The following MSRB3 variants were observed in gnomAD, a reference collection of about 807,000 sequenced individuals.
MSRB3 encodes the protein methionine sulfoxide reductase B3.
Under a neutral mutation model 21.0 loss-of-function variants are expected in MSRB3, and 13 were observed. The observed-to-expected ratio is 0.62, with a 90% CI of 0.40 to 0.98. The LOEUF (loss-of-function observed/expected upper bound fraction) is 0.98. Among genes scored for constraint, MSRB3 ranks in the 50% least tolerant of loss-of-function variants. The pLI, the probability that MSRB3 is intolerant of heterozygous loss-of-function variation, is 0.00. For missense variants in MSRB3, 199 were observed against 230.3 expected (o/e 0.86, Z 0.88); for synonymous variants, 87 against 88.6 (o/e 0.98, Z 0.10).
At chr12:65,331,191 G>A (rs1474632133) in intron 4 of MSRB3, among the ~76,000 whole-genome samples, 6 of 152,080 alleles carry the variant, frequency 3.9e-5, no homozygotes, top group Non-Finnish European at 8.8e-5. Context: ...AAATATATGA[G>A]GAAGCATGTA....
chr12:65,437,303 A>G (rs559965527), intron 5 of MSRB3, among the ~76,000 whole-genome samples: 38 of 152,010 alleles, frequency 2.5e-4, no homozygotes, highest in African/African-American at 8.2e-4. Flanking sequence ...AAGTGTACTC[A>G]GCCTTCTTGC....
chr12:65,292,745 T>A (rs896153142), intron 1 of MSRB3, among the ~76,000 whole-genome samples: 5 of 152,116 alleles, frequency 3.3e-5, no homozygotes, highest in Non-Finnish European at 7.3e-5. Context: ...GGTAAGAGTG[T>A]AGCTCATTGA....
intron 6 of MSRB3, among the ~76,000 whole-genome samples, chr12:65,458,631 T>C (rs1883192942): frequency 6.6e-6 from 1 of 152,204 alleles, no homozygotes; most frequent in Admixed American, 6.5e-5. Context: ...TACCCTGTTA[T>C]ATTCTGATTT....
intron 1 of MSRB3, chr12:65,285,058 G>A (rs1264076083): frequency 6.6e-6 from 1 of 152,192 alleles, no homozygotes; most frequent in Non-Finnish European, 1.5e-5. Context: ...ATGTGAAGAA[G>A]ATATGATTTC....
At chr12:65,312,277 G>A (rs1402844639) in intron 2 of MSRB3, among the ~76,000 whole-genome samples, 7 of 152,046 alleles carry the variant, frequency 4.6e-5, no homozygotes. Context: ...ACTAACTAAT[G>A]CTGGGAACTT....
At chr12:65,388,065 T>C (rs1167370003) in intron 5 of MSRB3, among the ~76,000 whole-genome samples, 1 of 152,216 alleles carries the variant, frequency 6.6e-6, no homozygotes, top group Non-Finnish European at 1.5e-5. Context: ...AATCTTTCTA[T>C]TTCTTTAGGA....
chr12:65,356,140 A>G (rs1235785376), intron 4 of MSRB3, among the ~76,000 whole-genome samples: 2 of 151,894 alleles, frequency 1.3e-5, no homozygotes, highest in Non-Finnish European at 2.9e-5. Flanking sequence ...GTGTAATTTT[A>G]CTGACCACAG....
intron 1 of MSRB3, among the ~76,000 whole-genome samples, chr12:65,281,452 T>C (rs193111900): frequency 1.6e-3 from 244 of 152,338 alleles, no homozygotes; most frequent in Non-Finnish European, 3.2e-3. Flanking sequence ...TTGCTATACA[T>C]GTCAAACTGG....
intron 5 of MSRB3, among the ~76,000 whole-genome samples, chr12:65,425,140 C>T (rs185290045): frequency 6.8e-6 from 1 of 146,354 alleles, no homozygotes; most frequent in Non-Finnish European, 1.5e-5. Flanking sequence ...CAGTTTTTGA[C>T]TTTTAATCCA....
intron 5 of MSRB3, among the ~76,000 whole-genome samples, chr12:65,402,131 G>C (rs1295750417): frequency 6.6e-6 from 1 of 152,134 alleles, no homozygotes; most frequent in Non-Finnish European, 1.5e-5. Flanking sequence ...GGTGTTCTCT[G>C]TATTTCCTGA....
At chr12:65,330,833 C>T (rs1436053762) in intron 4 of MSRB3, among the ~76,000 whole-genome samples, 2 of 152,188 alleles carry the variant, frequency 1.3e-5, no homozygotes, top group Non-Finnish European at 2.9e-5. Flanking sequence ...TGTCTGCCTG[C>T]TTGTCTGTCT....
chr12:65,422,407 TATATATATATATATATA>T (rs1881357818), intron 5 of MSRB3, among the ~76,000 whole-genome samples: 1 of 35,792 alleles, frequency 2.8e-5, no homozygotes, highest in Non-Finnish European at 7.2e-5. Context: ...TATATATATA[TATATATATATATATATA>T]TATATATTTA....
At chr12:65,310,784 T>C (rs1290424946) in intron 2 of MSRB3, among the ~76,000 whole-genome samples, 1 of 152,234 alleles carries the variant, frequency 6.6e-6, no homozygotes, top group Non-Finnish European at 1.5e-5. Context: ...TATGGTACAG[T>C]GCTTAAGCAC....
chr12:65,453,829 A>T lies in MSRB3; in HGVS notation c.390+4A>T, dbSNP rs1178852993. The T allele has an allele frequency of 1.1e-5, 17 of 1,612,332 alleles. No homozygotes were observed. The highest frequency in any genetic ancestry group is 1.4e-5 in the Non-Finnish European group (17 of 1,178,446). On this transcript the variant is annotated splice_donor_region_variant and intron_variant, in intron 6 of 6. Transcript: ENST00000308259. ...GGTGGAAACAAGCTGCTCTCAGGTG[A>T]GTTCATCCTTTCTGAAAACCCAATA...
intron 5 of MSRB3, among the ~76,000 whole-genome samples, chr12:65,373,802 T>C (rs1216841996): frequency 1.3e-5 from 2 of 151,986 alleles, no homozygotes; most frequent in African/African-American, 4.8e-5. Flanking sequence ...CAACAGAATA[T>C]AATTATGCTG....
At chr12:65,459,316 TA>T (rs1368669214) in intron 6 of MSRB3, among the ~76,000 whole-genome samples, 2 of 152,156 alleles carry the variant, frequency 1.3e-5, no homozygotes, top group Non-Finnish European at 1.5e-5. Flanking sequence ...CAGTTTTTGG[TA>T]AAAACCCCAA....
intron 6 of MSRB3, chr12:65,454,334 A>AAATAAAT (rs1565899532): frequency 3.4e-5 from 5 of 146,672 alleles, no homozygotes; most frequent in South Asian, 4.5e-4. Flanking sequence ...AATAAATAAA[A>AAATAAAT]TGTCAGTTAT....
At chr12:65,295,648 A>C (rs60378919) in intron 1 of MSRB3, among the ~76,000 whole-genome samples, 63,058 of 151,750 alleles carry the variant, frequency 0.42, 14,489 homozygotes, top group African/African-American at 0.62. Flanking sequence ...AACATGTTAA[A>C]TCTCCCTTGC....
intron 5 of MSRB3, among the ~76,000 whole-genome samples, chr12:65,433,517 T>C (rs943432492): frequency 2.6e-5 from 4 of 151,888 alleles, no homozygotes; most frequent in Non-Finnish European, 4.4e-5. Context: ...CACACCATCA[T>C]GCACAGAATG....
Sources: allele counts gnomAD v4.1 joint callset (sites outside exome capture counted in the v4.1 genomes callset), GRCh38; gene constraint gnomAD v4.1.1; transcripts MANE v1.5; gene names NCBI Gene and HGNC (gene_info 2026-07-23, HGNC 2026-07-21).